The following ACSS3 variants were observed in gnomAD, a reference collection of about 807,000 sequenced individuals.
ACSS3 encodes the protein acyl-CoA synthetase short-chain family member 3, mitochondrial.
Under a neutral mutation model 84.2 loss-of-function variants are expected in ACSS3, and 64 were observed. The observed-to-expected ratio is 0.76, with a 90% CI of 0.62 to 0.94. The LOEUF is 0.94. Among genes scored for constraint, ACSS3 ranks in the 40% least tolerant of loss-of-function variants. The pLI, the probability that ACSS3 is intolerant of heterozygous loss-of-function variation, is 0.00. For synonymous variants in ACSS3, 317 were observed against 310.1 expected (o/e 1.02, Z -0.23); for missense variants, 815 against 867.6 (o/e 0.94, Z 0.76).
Position 81,149,465 on chromosome 12 carries a change from C to T in ACSS3, c.922-2379C>T, listed in dbSNP as rs554476950. Among the ~76,000 whole-genome samples, 12 of 152,218 alleles carry T rather than the reference C, an allele frequency of 7.9e-5. No homozygotes were observed. The South Asian group carries it at 2.3e-3, about 29-fold the overall frequency. On this transcript the variant is annotated intron_variant, in intron 5 of 15. Transcript: ENST00000548058. ...CCTTCGTGTTTTTTATACTTTCAAA[C>T]CTCTTACAAAACGTGAACCTGGAGA...
At chr12:81,149,308 T>C (rs1886498345) in intron 5 of ACSS3, among the ~76,000 whole-genome samples, 1 of 152,204 alleles carries the variant, frequency 6.6e-6, no homozygotes, top group Non-Finnish European at 1.5e-5. Context: ...AGAGGCTGAA[T>C]GGTGTTTCTC....
intron 7 of ACSS3, among the ~76,000 whole-genome samples, chr12:81,170,908 A>G (rs2029986923): frequency 6.6e-6 from 1 of 152,128 alleles, no homozygotes; most frequent in Non-Finnish European, 1.5e-5. Context: ...AATTTTAAAT[A>G]AAATAAATAA....
intron 13 of ACSS3, among the ~76,000 whole-genome samples, chr12:81,251,000 T>A (rs1038669025): frequency 6.6e-6 from 1 of 152,198 alleles, no homozygotes; most frequent in South Asian, 2.1e-4. Flanking sequence ...TACTGTAGTA[T>A]CCTTTCAGGT....
intron 2 of ACSS3, among the ~76,000 whole-genome samples, chr12:81,128,829 A>T (rs970512567): frequency 6.6e-6 from 1 of 152,202 alleles, no homozygotes; most frequent in African/African-American, 2.4e-5. Context: ...AAACTAGGTG[A>T]ACCCTGAAAT....
At position 81,259,591 on chromosome 12, in the gene ACSS3, C is replaced by T; in HGVS notation, c.*4669C>T. The T allele has an allele frequency of 1.3e-6, 2 of 1,515,562 alleles. No individual in the cohort carries two copies. Among genetic ancestry groups the T allele is most frequent in the African/African-American group, 1.4e-5 (1 of 72,570 alleles). 93.9% of individuals were successfully genotyped at this position (1,515,562 alleles called of 1,614,324 possible). A position where few individuals can be genotyped will look rare whatever the true frequency, so the allele number is the denominator to read the frequency against. On this transcript the variant is annotated 3_prime_UTR_variant, in exon 16 of 16. Coordinates refer to ENST00000548058, the MANE Select transcript of ACSS3 (RefSeq NM_024560.4). ...TTATTTCCTTAGAATTCAGTTTTCA[C>T]AAAGGTTTTCACTGCTCGTCTTCTT...
At chr12:81,191,521 T>C (rs1326877705) in intron 8 of ACSS3, among the ~76,000 whole-genome samples, 1 of 152,156 alleles carries the variant, frequency 6.6e-6, no homozygotes, top group Admixed American at 6.5e-5. Context: ...TATTTAAATG[T>C]TTTGAAGTAT....
At chr12:81,166,904 T>C (rs1887429163) in intron 7 of ACSS3, among the ~76,000 whole-genome samples, 1 of 152,238 alleles carries the variant, frequency 6.6e-6, no homozygotes, top group East Asian at 1.9e-4. Context: ...ATTTAATTTC[T>C]CTGCTTGCAG....
intron 7 of ACSS3, among the ~76,000 whole-genome samples, chr12:81,165,404 G>A (rs1021281587): frequency 6.6e-6 from 1 of 152,112 alleles, no homozygotes; most frequent in Non-Finnish European, 1.5e-5. Flanking sequence ...CCAGCAGTTC[G>A]GGAGGCCAAG....
chr12:81,100,075 ACT>A (rs1160958596), intron 1 of ACSS3, among the ~76,000 whole-genome samples: 1 of 152,186 alleles, frequency 6.6e-6, no homozygotes, highest in East Asian at 1.9e-4. Context: ...GACAGCGAAG[ACT>A]CAGGGTAGGC....
At position 81,199,451 on chromosome 12, in the gene ACSS3, A is replaced by AT; in HGVS notation, c.1354+11dup. 1 of 1,607,234 alleles carries AT rather than the reference A, an allele frequency of 6.2e-7. No homozygotes were observed. The highest frequency in any genetic ancestry group is 8.5e-7 in the Non-Finnish European group (1 of 1,175,670). On this transcript the variant is annotated splice_region_variant and intron_variant, in intron 9 of 15. Coordinates refer to ENST00000548058, the MANE Select transcript of ACSS3 (RefSeq NM_024560.4). ...GACCATTGGTGGCAAACTGGTAAGC[A>AT]TTTTCCTAGCATGTACATAAATAGT...
intron 2 of ACSS3, among the ~76,000 whole-genome samples, chr12:81,133,635 C>T (rs922405667): frequency 2.1e-4 from 32 of 152,062 alleles, no homozygotes; most frequent in African/African-American, 7.7e-4. Context: ...GAATTACATC[C>T]ACCCCTTCCC....
chr12:81,093,565 A>G (rs1370853786), intron 1 of ACSS3, among the ~76,000 whole-genome samples: 1 of 151,748 alleles, frequency 6.6e-6, no homozygotes, highest in Non-Finnish European at 1.5e-5. Context: ...AATGCAGGAA[A>G]GTCAAATATC....
intron 2 of ACSS3, among the ~76,000 whole-genome samples, chr12:81,127,310 T>C (rs1408784680): frequency 3.3e-5 from 5 of 152,082 alleles, no homozygotes; most frequent in African/African-American, 9.6e-5. Context: ...AAAGATAGTT[T>C]TACTATCATT....
At chr12:81,200,909 AAAAG>A (rs1008930640) in intron 9 of ACSS3, among the ~76,000 whole-genome samples, 16 of 151,378 alleles carry the variant, frequency 1.1e-4, no homozygotes, top group Admixed American at 8.5e-4. Context: ...AAAAAAAAGA[AAAAG>A]AAAGAAAGAA....
At chr12:81,170,500 C>T (rs1171600092) in intron 7 of ACSS3, among the ~76,000 whole-genome samples, 3 of 152,084 alleles carry the variant, frequency 2.0e-5, no homozygotes, top group Non-Finnish European at 4.4e-5. Context: ...TTGGCTTCAT[C>T]ATTGTAGACA....
intron 13 of ACSS3, among the ~76,000 whole-genome samples, chr12:81,239,024 G>A (rs1351685376): frequency 1.3e-5 from 2 of 151,610 alleles, no homozygotes; most frequent in Non-Finnish European, 1.5e-5. Flanking sequence ...GCATGCTGTT[G>A]CTGCATCCCA....
intron 1 of ACSS3, among the ~76,000 whole-genome samples, chr12:81,093,944 G>C (rs1275205059): frequency 6.6e-6 from 1 of 151,928 alleles, no homozygotes; most frequent in Non-Finnish European, 1.5e-5. Flanking sequence ...TTATTTGGTA[G>C]CTCATTTTTT....
intron 9 of ACSS3, among the ~76,000 whole-genome samples, chr12:81,203,321 A>G (rs111318535): frequency 6.6e-6 from 1 of 152,174 alleles, no homozygotes; most frequent in African/African-American, 2.4e-5. Flanking sequence ...CATCTTGTCC[A>G]TTCAGACTCA....
intron 1 of ACSS3, among the ~76,000 whole-genome samples, chr12:81,099,259 A>G (rs1460769424): frequency 6.6e-6 from 1 of 151,950 alleles, no homozygotes; most frequent in African/African-American, 2.4e-5. Context: ...TTTATTGTTT[A>G]TTTATTTATA....
Sources: allele counts gnomAD v4.1 joint callset (sites outside exome capture counted in the v4.1 genomes callset), GRCh38; gene constraint gnomAD v4.1.1; transcripts MANE v1.5; gene names NCBI Gene and HGNC (gene_info 2026-07-23, HGNC 2026-07-21).